WWOX: variants seen among roughly 807,000 people sequenced by gnomAD.
WWOX encodes WW domain-containing oxidoreductase.
Under a neutral mutation model 46.2 loss-of-function variants are expected in WWOX, and 69 were observed. That is an observed-to-expected ratio of 1.49 (90% confidence interval 1.23 to 1.82). The LOEUF is 1.82. Among genes scored for constraint, WWOX ranks in the 40% most tolerant of loss-of-function variants. The pLI is 0.00. For synonymous variants in WWOX, 359 were observed against 202.6 expected (o/e 1.77, Z -6.56); for missense variants, 919 against 542.6 (o/e 1.69, Z -6.89).
At chr16:79,011,546 C>T (rs1358463472) in intron 8 of WWOX, among the ~76,000 whole-genome samples, 2 of 150,928 alleles carry the variant, frequency 1.3e-5, no homozygotes, top group African/African-American at 4.9e-5. Flanking sequence ...GGCTGGAGTG[C>T]AGTGACATGG....
chr16:78,286,360 C>T (rs139076180), intron 5 of WWOX, among the ~76,000 whole-genome samples: 1 of 152,238 alleles, frequency 6.6e-6, no homozygotes. Flanking sequence ...TATTGCAGCC[C>T]CAGATGAGGT....
chr16:78,475,973 G>C lies in WWOX; in HGVS notation c.1056+43221G>C, dbSNP rs141569731. On this transcript the variant is annotated intron_variant, in intron 8 of 8. Coordinates refer to ENST00000566780, the MANE Select transcript of WWOX (RefSeq NM_016373.4). Reference sequence around the variant, plus strand: ...TGGTAATGAGAAGAGTTTGGATTTGGACCTACCTAGGTTTTTCTTTCCTCC... The same window carrying C: ...TGGTAATGAGAAGAGTTTGGATTTGCACCTACCTAGGTTTTTCTTTCCTCC... Among the ~76,000 whole-genome samples the C allele has an allele frequency of 5.2e-3, 793 of 152,226 alleles. 1 individual carries two copies. Among genetic ancestry groups the C allele is most frequent in the Admixed American group, 0.014 (220 of 15,286 alleles).
At chr16:78,548,322 T>G (rs1233217632) in intron 8 of WWOX, among the ~76,000 whole-genome samples, 1 of 136,638 alleles carries the variant, frequency 7.3e-6, no homozygotes, top group Admixed American at 8.3e-5. Flanking sequence ...TCATGTATTT[T>G]ATTAATTTTT....
At chr16:78,404,914 A>C (rs996685920) in intron 6 of WWOX, among the ~76,000 whole-genome samples, 1 of 152,228 alleles carries the variant, frequency 6.6e-6, no homozygotes, top group Non-Finnish European at 1.5e-5. Context: ...TGAGACCTGC[A>C]TGTCAGATAT....
At chr16:78,664,115 A>G (rs1034901832) in intron 8 of WWOX, among the ~76,000 whole-genome samples, 1 of 152,156 alleles carries the variant, frequency 6.6e-6, no homozygotes, top group Non-Finnish European at 1.5e-5. Flanking sequence ...AAGCTAAAGG[A>G]TATGCTGGGA....
chr16:78,664,431 G>C (rs1316380499), intron 8 of WWOX, among the ~76,000 whole-genome samples: 1 of 152,164 alleles, frequency 6.6e-6, no homozygotes, highest in African/African-American at 2.4e-5. Flanking sequence ...GGCTGCTGTG[G>C]CTGCTTTGAG....
chr16:78,861,978 G>C (rs961263600), intron 8 of WWOX, among the ~76,000 whole-genome samples: 3 of 152,136 alleles, frequency 2.0e-5, no homozygotes, highest in Admixed American at 1.3e-4. Context: ...AGTCTCTGGA[G>C]AAATTGAACT....
At chr16:79,029,195 G>C (rs1040574998) in intron 8 of WWOX, among the ~76,000 whole-genome samples, 3 of 152,124 alleles carry the variant, frequency 2.0e-5, no homozygotes, top group African/African-American at 7.2e-5. Context: ...TTTGGGTACA[G>C]ATGCACAGGA....
chr16:78,182,584 C>T (rs773111515), intron 5 of WWOX, among the ~76,000 whole-genome samples: 3 of 152,002 alleles, frequency 2.0e-5, no homozygotes, highest in Non-Finnish European at 2.9e-5. Flanking sequence ...TTCTTTTGTT[C>T]AGCACATCGC....
intron 8 of WWOX, among the ~76,000 whole-genome samples, chr16:78,695,920 C>A (rs112549550): frequency 0.018 from 2,727 of 152,272 alleles, 72 homozygotes; most frequent in African/African-American, 0.062. Context: ...GGTCCCTGGA[C>A]CGGCAGCATC....
intron 8 of WWOX, among the ~76,000 whole-genome samples, chr16:78,730,223 C>T (rs766615385): frequency 6.6e-6 from 1 of 152,026 alleles, no homozygotes; most frequent in Non-Finnish European, 1.5e-5. Flanking sequence ...TCCCAAAAAG[C>T]GTCTCTGTCA....
chr16:78,512,500 A>G (rs1268201924), intron 8 of WWOX, among the ~76,000 whole-genome samples: 1 of 152,208 alleles, frequency 6.6e-6, no homozygotes, highest in Non-Finnish European at 1.5e-5. Flanking sequence ...TTGGGCAATT[A>G]ATTGTATTTA....
chr16:78,219,440 T>G (rs542656800), intron 5 of WWOX, among the ~76,000 whole-genome samples: 6 of 152,170 alleles, frequency 3.9e-5, no homozygotes, highest in Non-Finnish European at 8.8e-5. Flanking sequence ...CACAGCCAGA[T>G]AACAACAACA....
intron 5 of WWOX, among the ~76,000 whole-genome samples, chr16:78,214,891 C>T (rs1054302744): frequency 1.3e-5 from 2 of 150,918 alleles, no homozygotes; most frequent in African/African-American, 4.9e-5. Context: ...ACTAGGGATA[C>T]TACTTGGTAT....
At chr16:78,815,781 C>G (rs978617271) in intron 8 of WWOX, among the ~76,000 whole-genome samples, 1 of 152,236 alleles carries the variant, frequency 6.6e-6, no homozygotes, top group Non-Finnish European at 1.5e-5. Flanking sequence ...ACGCAGACCT[C>G]TCTGCCAGTG....
intron 8 of WWOX, among the ~76,000 whole-genome samples, chr16:78,455,662 A>G (rs2083799541): frequency 6.6e-6 from 1 of 151,146 alleles, no homozygotes; most frequent in East Asian, 1.9e-4. Flanking sequence ...AAAAAAAAAA[A>G]AAAAAAAATC....
At chr16:79,204,724 G>C (rs910653683) in intron 8 of WWOX, 10 of 152,154 alleles carry the variant, frequency 6.6e-5, no homozygotes, top group Admixed American at 2.6e-4. Context: ...CCCATGCCTT[G>C]GCCTTCCCAG....
At chr16:78,695,821 C>G (rs111687697) in intron 8 of WWOX, among the ~76,000 whole-genome samples, 6 of 152,246 alleles carry the variant, frequency 3.9e-5, no homozygotes, top group African/African-American at 1.4e-4. Context: ...TTTTAATGTC[C>G]CATGGGTGTG....
intron 8 of WWOX, among the ~76,000 whole-genome samples, chr16:78,847,772 T>TAA (rs540806030): frequency 6.8e-6 from 1 of 146,458 alleles, no homozygotes; most frequent in African/African-American, 2.5e-5. Flanking sequence ...GTAGCTTGTT[T>TAA]AAAAAAAAAA....
Sources: gnomAD v4.1 joint callset for allele counts (sites outside exome capture counted in the v4.1 genomes callset) on GRCh38, gnomAD v4.1.1 for gene constraint, MANE v1.5 for transcripts, NCBI Gene and HGNC (gene_info 2026-07-23, HGNC 2026-07-21) for gene names.